Variants in GALNT11 observed in about 807,000 individuals in gnomAD.
GALNT11 encodes polypeptide N-acetylgalactosaminyltransferase 11.
In GALNT11, 47 loss-of-function variants were observed where a neutral mutation model predicts 72.7. The observed-to-expected ratio is 0.65, with a 90% CI of 0.51 to 0.82. The LOEUF (loss-of-function observed/expected upper bound fraction) is 0.82, where lower values mean the gene tolerates loss of function less well. Ranked by LOEUF, GALNT11 falls within the 40% of genes least tolerant of loss-of-function variation. The pLI, the probability that GALNT11 is intolerant of heterozygous loss-of-function variation, is 0.00. For synonymous variants in GALNT11, 270 were observed against 286.6 expected, an observed-to-expected ratio of 0.94 and a Z score of 0.58; for missense variants, 677 against 778.4, an observed-to-expected ratio of 0.87 and a Z score of 1.55.
At chr7:152,027,341 A>G (rs1031751897) in intron 1 of GALNT11, among the ~76,000 whole-genome samples, 1 of 152,254 alleles carries the variant, frequency 6.6e-6, no homozygotes, top group Non-Finnish European at 1.5e-5. Context: ...ATGCATAATC[A>G]CATCAGGATA....
At chr7:152,037,330 A>C (rs1031401199) in intron 1 of GALNT11, among the ~76,000 whole-genome samples, 1 of 152,150 alleles carries the variant, frequency 6.6e-6, no homozygotes, top group African/African-American at 2.4e-5. Flanking sequence ...TCCTTTTCCC[A>C]ATGTATGTTC....
At chr7:152,117,652 C>T (rs2089010940) in intron 9 of GALNT11, 1 of 421,522 alleles carries the variant, frequency 2.4e-6, no homozygotes, top group Non-Finnish European at 4.3e-6. Context: ...ACACCCCGGA[C>T]AGAGGCCATG....
intron 8 of GALNT11, among the ~76,000 whole-genome samples, chr7:152,116,677 A>C (rs1043369979): frequency 6.6e-6 from 1 of 152,238 alleles, no homozygotes; most frequent in Non-Finnish European, 1.5e-5. Context: ...TAATTTTAAA[A>C]ATACATATAT....
At chr7:152,026,348 T>C (rs772504088) in intron 1 of GALNT11, among the ~76,000 whole-genome samples, 42 of 152,366 alleles carry the variant, frequency 2.8e-4, no homozygotes, top group East Asian at 1.3e-3. Flanking sequence ...AGCTGGGAGC[T>C]GCGTCAGGCA....
At chr7:152,117,656 G>C in intron 9 of GALNT11, 3 of 386,318 alleles carry the variant, frequency 7.8e-6, no homozygotes, top group Non-Finnish European at 1.4e-5. Flanking sequence ...CCCGGACAGA[G>C]GCCATGGAAG....
intron 1 of GALNT11, among the ~76,000 whole-genome samples, chr7:152,045,846 T>G (rs2083093183): frequency 6.6e-6 from 1 of 152,124 alleles, no homozygotes; most frequent in African/African-American, 2.4e-5. Context: ...CTTGCTTTTC[T>G]TCTTGCTTTC....
intron 2 of GALNT11, among the ~76,000 whole-genome samples, chr7:152,099,549 T>G (rs986556295): frequency 7.3e-6 from 1 of 136,150 alleles, no homozygotes; most frequent in African/African-American, 2.8e-5. Flanking sequence ...TTTTTTTTTT[T>G]TTTTTTTTTT....
chr7:152,043,240 A>G (rs921198016), intron 1 of GALNT11, among the ~76,000 whole-genome samples: 1 of 152,210 alleles, frequency 6.6e-6, no homozygotes, highest in Admixed American at 6.5e-5. Flanking sequence ...TACCGCTTTT[A>G]TATTTAAACT....
At chr7:152,044,144 G>T (rs992575768) in intron 1 of GALNT11, among the ~76,000 whole-genome samples, 4 of 152,140 alleles carry the variant, frequency 2.6e-5, no homozygotes, top group Admixed American at 6.5e-5. Context: ...GAAATCAGGG[G>T]TCTCACAGCC....
At chr7:152,113,208 T>C (rs1408368286) in intron 7 of GALNT11, 38 bp from the exon 8 acceptor site, 12 of 1,559,608 alleles carry the variant, frequency 7.7e-6, no homozygotes, top group Non-Finnish European at 1.0e-5. Context: ...CACAACAACA[T>C]GAGGCAACTG....
chr7:152,031,186 C>T (rs570571264), intron 1 of GALNT11, among the ~76,000 whole-genome samples: 21 of 152,302 alleles, frequency 1.4e-4, no homozygotes, highest in African/African-American at 2.4e-4. Context: ...CTTTCAAGTA[C>T]GGTTACGTCA....
At chr7:152,108,578 G>A (rs1459535414) in intron 6 of GALNT11, among the ~76,000 whole-genome samples, 1 of 152,218 alleles carries the variant, frequency 6.6e-6, no homozygotes, top group Non-Finnish European at 1.5e-5. Context: ...TGTGGTGGTT[G>A]CTGTTTGGTA....
In GALNT11 at chr7:152,107,918, G is replaced by A. The variant is rs1003576503; in HGVS notation, c.713-120G>A. ...TGTAGTGGAGCAGTTAGGCCGTCTG[G>A]GGCTGGGAGGGTGGCAGTCGTGTTT... On this transcript the variant is annotated intron_variant, in intron 5 of 11. Transcript: ENST00000430044. The A allele has an allele frequency of 3.3e-6, 4 of 1,216,916 alleles. No individual in the cohort carries two copies. The Admixed American group carries it at 6.5e-5, about 20-fold the overall frequency. 75.4% of individuals were successfully genotyped at this position (1,216,916 alleles called of 1,614,324 possible).
At chr7:152,098,102 C>T (rs978705717) in intron 2 of GALNT11, among the ~76,000 whole-genome samples, 4 of 151,992 alleles carry the variant, frequency 2.6e-5, no homozygotes, top group African/African-American at 9.7e-5. Flanking sequence ...ATGCAGATTT[C>T]TGAGTAGAGA....
intron 3 of GALNT11, among the ~76,000 whole-genome samples, chr7:152,102,700 G>T (rs2087067662): frequency 2.0e-5 from 3 of 152,170 alleles, no homozygotes; most frequent in Admixed American, 2.0e-4. Flanking sequence ...AGGCTGAACA[G>T]GCTGGACGTG....
At chr7:152,100,564 CAA>C (rs377364453) in intron 2 of GALNT11, among the ~76,000 whole-genome samples, 5 of 103,738 alleles carry the variant, frequency 4.8e-5, no homozygotes, top group Non-Finnish European at 4.1e-5. Context: ...AACTCCATCT[CAA>C]AAAAAAAAAA....
intron 6 of GALNT11, 57 bp from the exon 7 acceptor site, chr7:152,110,471 G>T: frequency 2.5e-6 from 3 of 1,210,954 alleles, no homozygotes; most frequent in Non-Finnish European, 3.6e-6. Context: ...TTAAACAAAA[G>T]TAGTAGGTAA....
chr7:152,054,634 G>A (rs746726102), intron 1 of GALNT11, among the ~76,000 whole-genome samples: 26 of 150,402 alleles, frequency 1.7e-4, no homozygotes, highest in African/African-American at 5.1e-4. Context: ...GCTGCAGTCC[G>A]CTGAGTAGCT....
chr7:152,042,515 TA>T (rs199957664), intron 1 of GALNT11, among the ~76,000 whole-genome samples: 1,782 of 152,294 alleles, frequency 0.012, 35 homozygotes, highest in African/African-American at 0.041. Context: ...GCTTATCTGT[TA>T]ACCATTTTAA....
Sources: gnomAD v4.1 joint callset for allele counts (sites outside exome capture counted in the v4.1 genomes callset) on GRCh38, gnomAD v4.1.1 for gene constraint, MANE v1.5 for transcripts, NCBI Gene and HGNC (gene_info 2026-07-23, HGNC 2026-07-21) for gene names.